Variants in RYR2 observed in about 807,000 individuals in gnomAD.
RYR2 encodes ryanodine receptor 2, also known as cardiac muscle ryanodine receptor-calcium release channel.
RYR2 carries 227 observed loss-of-function variants against 601.1 expected under a neutral mutation model. The ratio of observed to expected loss-of-function variants is 0.38; its 90% CI spans 0.34 to 0.42. The LOEUF is 0.42. Ranked by LOEUF, RYR2 falls within the 10% of genes least tolerant of loss-of-function variation. RYR2 has a pLI of 1.00. For synonymous variants in RYR2, 2,223 were observed against 2,175.1 expected (o/e 1.02, Z -0.61); for missense variants, 4,646 against 6,156.5 (o/e 0.75, Z 8.21).
At chr1:237,395,456 G>A (rs868408843) in intron 10 of RYR2, among the ~76,000 whole-genome samples, 115 of 150,578 alleles carry the variant, frequency 7.6e-4, no homozygotes, top group Middle Eastern at 3.6e-3. Flanking sequence ...ATTCCTACAT[G>A]CATTTTAAAT....
chr1:237,350,133 G>A (rs1186745267), intron 3 of RYR2, among the ~76,000 whole-genome samples: 1 of 152,010 alleles, frequency 6.6e-6, no homozygotes, highest in African/African-American at 2.4e-5. Context: ...AAAATTCATG[G>A]ATTGTCAGAT....
At chr1:237,658,124 T>G in intron 54 of RYR2, 102 bp downstream of exon 54, 1 of 581,052 alleles carries the variant, frequency 1.7e-6, no homozygotes, top group Admixed American at 4.1e-5. Context: ...AATGAGAACT[T>G]GATCTAAATT....
intron 1 of RYR2, among the ~76,000 whole-genome samples, chr1:237,118,989 C>T (rs1670458627): frequency 6.6e-6 from 1 of 152,044 alleles, no homozygotes; most frequent in African/African-American, 2.4e-5. Context: ...GTGAAGAAGT[C>T]TATTTCTAAT....
intron 1 of RYR2, among the ~76,000 whole-genome samples, chr1:237,229,237 GA>G (rs1369669052): frequency 2.0e-5 from 3 of 152,148 alleles, no homozygotes; most frequent in Admixed American, 2.0e-4. Context: ...ATTAACTCAT[GA>G]AAAAAAGAAA....
At chr1:237,464,945 A>G (rs1479493380) in intron 16 of RYR2, among the ~76,000 whole-genome samples, 3 of 152,066 alleles carry the variant, frequency 2.0e-5, no homozygotes, top group Non-Finnish European at 4.4e-5. Context: ...GCTTCCTTGT[A>G]TTTCTCTGCA....
chr1:237,241,470 A>G (rs959127393), intron 1 of RYR2, among the ~76,000 whole-genome samples: 2 of 152,224 alleles, frequency 1.3e-5, no homozygotes, highest in African/African-American at 4.8e-5. Context: ...ATGTGGAACT[A>G]TATCTGTCAC....
chr1:237,094,452 G>C (rs1350032285), intron 1 of RYR2, among the ~76,000 whole-genome samples: 1 of 152,268 alleles, frequency 6.6e-6, no homozygotes, highest in Non-Finnish European at 1.5e-5. Flanking sequence ...GGAGGATACT[G>C]TTTCTCCATG....
chr1:237,604,036 A>G (rs1316052465), intron 35 of RYR2, among the ~76,000 whole-genome samples: 2 of 152,222 alleles, frequency 1.3e-5, no homozygotes, highest in Non-Finnish European at 2.9e-5. Context: ...TAACAAGGAT[A>G]TCTAGGAATT....
chr1:237,731,754 A>T (rs1272279384), intron 77 of RYR2, among the ~76,000 whole-genome samples: 3 of 152,130 alleles, frequency 2.0e-5, no homozygotes, highest in Non-Finnish European at 2.9e-5. Context: ...ACAGATATCT[A>T]GCATATTATA....
chr1:237,552,490 C>G (rs372090038), intron 27 of RYR2, among the ~76,000 whole-genome samples: 7 of 152,010 alleles, frequency 4.6e-5, no homozygotes, highest in East Asian at 1.9e-4. Context: ...GAACCACTAC[C>G]GAAAACACCT....
chr1:237,291,516 G>T (rs190951956), intron 2 of RYR2, among the ~76,000 whole-genome samples: 1 of 152,228 alleles, frequency 6.6e-6, no homozygotes, highest in East Asian at 1.9e-4. Context: ...TATAAAAATT[G>T]CCAAAATGTG....
intron 1 of RYR2, among the ~76,000 whole-genome samples, chr1:237,056,150 G>A (rs958957633): frequency 2.7e-5 from 4 of 148,704 alleles, no homozygotes; most frequent in East Asian, 2.0e-4. Context: ...CATCGCACCT[G>A]TGAGGACTAG....
chr1:237,055,941 T>C (rs1171082545), intron 1 of RYR2, among the ~76,000 whole-genome samples: 1 of 151,972 alleles, frequency 6.6e-6, no homozygotes, highest in East Asian at 1.9e-4. Flanking sequence ...ACTGGAGCAC[T>C]GCACCTGTGA....
intron 1 of RYR2, among the ~76,000 whole-genome samples, chr1:237,250,428 A>T (rs1687331150): frequency 6.6e-6 from 1 of 152,162 alleles, no homozygotes; most frequent in Non-Finnish European, 1.5e-5. Context: ...TTTCTATGGT[A>T]ATACCATGCA....
At chr1:237,054,954 C>G (rs576452492) in intron 1 of RYR2, among the ~76,000 whole-genome samples, 22 of 152,276 alleles carry the variant, frequency 1.4e-4, no homozygotes, top group Non-Finnish European at 2.4e-4. Flanking sequence ...GAGCCTCCTA[C>G]TCTAGATGGT....
intron 24 of RYR2, among the ~76,000 whole-genome samples, chr1:237,521,399 C>T (rs976534948): frequency 2.0e-5 from 3 of 152,052 alleles, no homozygotes; most frequent in African/African-American, 7.2e-5. Flanking sequence ...CCATGTCAAT[C>T]TTTCTATTTA....
At chr1:237,824,069 A>T (rs899646629) in intron 101 of RYR2, among the ~76,000 whole-genome samples, 1 of 152,204 alleles carries the variant, frequency 6.6e-6, no homozygotes, top group Non-Finnish European at 1.5e-5. Context: ...CCAGGACCAG[A>T]CAGATTCACA....
chr1:237,062,968 T>C (rs564298073), intron 1 of RYR2, among the ~76,000 whole-genome samples: 162 of 152,312 alleles, frequency 1.1e-3, no homozygotes, highest in South Asian at 1.9e-3. Flanking sequence ...TGTTTTTTTT[T>C]TTCTGTTAGT....
chr1:237,311,799 G>A (rs1294153417), intron 2 of RYR2, among the ~76,000 whole-genome samples: 1 of 152,104 alleles, frequency 6.6e-6, no homozygotes, highest in African/African-American at 2.4e-5. Flanking sequence ...CTTTAGAACT[G>A]TCTTTTGTGT....
Sources: gnomAD v4.1 joint callset for allele counts (sites outside exome capture counted in the v4.1 genomes callset) on GRCh38, gnomAD v4.1.1 for gene constraint, MANE v1.5 for transcripts, NCBI Gene and HGNC (gene_info 2026-07-23, HGNC 2026-07-21) for gene names.